The following FOCAD variants were observed in gnomAD, a reference collection of about 807,000 sequenced individuals.
FOCAD encodes KIAA1797.
A neutral mutation model predicts 225.6 loss-of-function variants in FOCAD; 198 were observed. The ratio of observed to expected loss-of-function variants is 0.88; its 90% confidence interval spans 0.78 to 0.99. FOCAD has a LOEUF of 0.99. FOCAD is among the 50% of genes least tolerant of loss of function. The pLI is 0.00. For synonymous variants in FOCAD, 897 were observed against 755.0 expected (o/e 1.19, Z -3.08); for missense variants, 2,713 against 2,123.6 (o/e 1.28, Z -5.46).
At chr9:20,842,127 AT>A (rs60066147) in intron 15 of FOCAD, among the ~76,000 whole-genome samples, 1 of 149,830 alleles carries the variant, frequency 6.7e-6, no homozygotes, top group African/African-American at 2.4e-5. Context: ...ACTTTACATG[AT>A]TTTTTTTTTC....
At chr9:20,659,802 C>T (rs900392127) in intron 2 of FOCAD, among the ~76,000 whole-genome samples, 2 of 152,178 alleles carry the variant, frequency 1.3e-5, no homozygotes, top group African/African-American at 2.4e-5. Flanking sequence ...CAGTGAGATG[C>T]AGGTGGGCAG....
intron 10 of FOCAD, among the ~76,000 whole-genome samples, chr9:20,786,701 C>G (rs1819955286): frequency 6.6e-6 from 1 of 152,172 alleles, no homozygotes; most frequent in Non-Finnish European, 1.5e-5. Context: ...GAAGTACTAT[C>G]AGATGTTTAT....
At chr9:20,943,575 C>T (rs1031733074) in intron 28 of FOCAD, among the ~76,000 whole-genome samples, 6 of 152,086 alleles carry the variant, frequency 3.9e-5, no homozygotes, top group African/African-American at 1.2e-4. Flanking sequence ...TCCATTTGCA[C>T]GTTGGGGGAA....
chr9:20,688,688 C>T (rs1358899310), intron 1 of FOCAD, among the ~76,000 whole-genome samples: 1 of 151,866 alleles, frequency 6.6e-6, no homozygotes, highest in Non-Finnish European at 1.5e-5. Flanking sequence ...GAAAGATGAC[C>T]CAGTGAAAAA....
chr9:20,857,360 G>A (rs1166363097), intron 15 of FOCAD, among the ~76,000 whole-genome samples: 2 of 151,588 alleles, frequency 1.3e-5, no homozygotes, highest in African/African-American at 4.8e-5. Flanking sequence ...TGTAGATATT[G>A]TAAATGGAAT....
At chr9:20,781,124 A>G (rs1044478831) in intron 9 of FOCAD, among the ~76,000 whole-genome samples, 14 of 152,370 alleles carry the variant, frequency 9.2e-5, no homozygotes, top group Middle Eastern at 3.4e-3. Flanking sequence ...TTAATAGTCT[A>G]GAGACTCTAC....
At chr9:20,777,620 C>T (rs1361208055) in intron 8 of FOCAD, among the ~76,000 whole-genome samples, 1 of 152,110 alleles carries the variant, frequency 6.6e-6, no homozygotes, top group Non-Finnish European at 1.5e-5. Flanking sequence ...CGAAAATAAT[C>T]TCTACCTCCC....
intron 1 of FOCAD, among the ~76,000 whole-genome samples, chr9:20,686,880 T>A (rs1343856053): frequency 2.0e-5 from 3 of 152,164 alleles, no homozygotes; most frequent in African/African-American, 7.2e-5. Context: ...GTGAATTTCC[T>A]CCATGTAAAT....
chr9:20,913,089 G>T (rs1554722991), intron 23 of FOCAD, 135 bp downstream of exon 23: 10 of 609,682 alleles, frequency 1.6e-5, no homozygotes, highest in Non-Finnish European at 2.3e-5. Flanking sequence ...TGACAGAAGA[G>T]CTGATAGGTG....
chr9:20,874,790 C>A lies in FOCAD; in HGVS notation c.2300C>A (p.Pro767His), dbSNP rs1413220128. The A allele has an allele frequency of 6.2e-7, 1 of 1,613,550 alleles. No individual in the cohort carries two copies. The highest frequency in any genetic ancestry group is 2.2e-5 in the East Asian group (1 of 44,812). ...TATCTCAAACTGTTGTCACTCACTC[C>A]CCCTTTGGTTTTACCAGGTGACTCC... is the stretch of plus-strand genomic sequence containing the variant. ...SCYLKLLSLT[P>H]PLVLPALEEF... Residue 767 changes from proline to histidine, a missense_variant, in exon 19 of 44, where the codon CCC (proline) becomes CAC (histidine). Physicochemically the swap from Pro to His is moderately conservative, Grantham distance 77. Coordinates refer to ENST00000338382, the MANE Select transcript of FOCAD (RefSeq NM_001375567.1).
chr9:20,976,385 G>C (rs1398620752), intron 35 of FOCAD, 35 bp from the exon 36 acceptor site: 1 of 1,601,684 alleles, frequency 6.2e-7, no homozygotes, highest in Admixed American at 1.7e-5. Flanking sequence ...ATAGTATGCA[G>C]GTGTTTTACT....
At chr9:20,761,388 G>T (rs190733062) in intron 6 of FOCAD, among the ~76,000 whole-genome samples, 143 of 152,160 alleles carry the variant, frequency 9.4e-4, no homozygotes, top group Middle Eastern at 6.8e-3. Context: ...TGGCTAGCTA[G>T]TGGTGGAGTT....
rs1046091995 is a variant in FOCAD, at chr9:20,781,848, A to C, written c.1116A>C (p.Glu372Asp). 3 of 1,614,166 alleles carry C rather than the reference A, an allele frequency of 1.9e-6. No individual in the cohort carries two copies. The highest frequency in any genetic ancestry group is 2.2e-5 in the East Asian group (1 of 44,860). The change falls in exon 10 of 44, where the codon GAA (glutamate) becomes GAC (aspartate). Residue 372 changes from glutamate (E) to aspartate (D), a missense_variant. By Grantham distance (45) the Glu-to-Asp change is conservative (BLOSUM62 2). Transcript: ENST00000338382. ...TGGAAGACTGTATATCTGTGGATGA[A>C]GAAGGTCCCTCTAGGCAGCAGTTGG... Reference protein sequence around the residue: ...TALEDCISVDEEGPSRQQLAL... With the variant: ...TALEDCISVDDEGPSRQQLAL...
chr9:20,733,472 CAT>C (rs1826881177), intron 4 of FOCAD, among the ~76,000 whole-genome samples: 1 of 152,064 alleles, frequency 6.6e-6, no homozygotes, highest in Non-Finnish European at 1.5e-5. Context: ...CCTCTTTTAG[CAT>C]TAGGTATATC....
chr9:20,874,950 C>T (rs1250625027), intron 19 of FOCAD, 143 bp downstream of exon 19: 2 of 1,032,178 alleles, frequency 1.9e-6, no homozygotes, highest in Non-Finnish European at 2.9e-6. Context: ...CCCATCTGTT[C>T]TATTGAAACA....
intron 1 of FOCAD, among the ~76,000 whole-genome samples, chr9:20,713,665 G>T (rs1014973199): frequency 6.6e-6 from 1 of 152,186 alleles, no homozygotes; most frequent in Non-Finnish European, 1.5e-5. Context: ...CAAGCACCTA[G>T]AACTGTGCTG....
intron 1 of FOCAD, among the ~76,000 whole-genome samples, chr9:20,699,918 A>C (rs1455893954): frequency 6.7e-6 from 1 of 149,926 alleles, no homozygotes. Flanking sequence ...GACATCCTAC[A>C]TACTGTACTC....
At position 20,978,432 on chromosome 9, in the gene FOCAD, C is replaced by T. The variant is rs539891251; in HGVS notation, c.4355C>T (p.Pro1452Leu). Residue 1452 changes from proline to leucine, a missense_variant, in exon 37 of 44, where the codon CCA becomes CTA. Coordinates refer to ENST00000338382, the MANE Select transcript of FOCAD (RefSeq NM_001375567.1). ...GCACTATTGGGCTTGTGGGTGACACCACCACTGATCCACAGTCTGAGTGTA... is the reference window on the plus strand; with the variant it reads ...GCACTATTGGGCTTGTGGGTGACACTACCACTGATCCACAGTCTGAGTGTA... ...AAALLGLWVT[P>L]PLIHSLSLNT... The T allele has an allele frequency of 1.7e-5, 28 of 1,610,356 alleles. No individual in the cohort carries two copies. The East Asian group carries it at 5.4e-4, about 31-fold the overall frequency.
intron 11 of FOCAD, among the ~76,000 whole-genome samples, chr9:20,797,706 G>C (rs1344021738): frequency 6.6e-6 from 1 of 152,126 alleles, no homozygotes; most frequent in Non-Finnish European, 1.5e-5. Context: ...TGTACCCTGA[G>C]ACTTTGCTGA....
Sources: allele counts gnomAD v4.1 joint callset (sites outside exome capture counted in the v4.1 genomes callset), GRCh38; gene constraint gnomAD v4.1.1; transcripts MANE v1.5; gene names NCBI Gene and HGNC (gene_info 2026-07-23, HGNC 2026-07-21).